Variants in ADAMTS2 observed in about 807,000 individuals in gnomAD.
ADAMTS2 encodes ADAM metallopeptidase with thrombospondin type 1 motif 2.
ADAMTS2 carries 50 observed loss-of-function variants against 123.0 expected under a neutral mutation model. The ratio of observed to expected loss-of-function variants is 0.41; its 90% CI spans 0.32 to 0.51. The LOEUF (loss-of-function observed/expected upper bound fraction) is 0.51, where lower values mean the gene tolerates loss of function less well. ADAMTS2 is among the 20% of genes least tolerant of loss of function. ADAMTS2 has a pLI of 0.35. For synonymous variants in ADAMTS2, 678 were observed against 695.4 expected (o/e 0.98, Z 0.39); for missense variants, 1,494 against 1,705.2 (o/e 0.88, Z 2.18).
In ADAMTS2 at chr5:179,188,228, A is replaced by C. The variant is rs1764219861; in HGVS notation, c.892-7073T>G. ...TGGCCCACCTGGCAAAACCATGTCC[A>C]GGAGCAAGCCAGGCCTGAAAAGTCT... On this transcript the variant is annotated intron_variant, in intron 4 of 21. Transcript: ENST00000251582. The surrounding 1 kb of genome is among the most constrained non-coding windows in gnomAD (Gnocchi z 5.1). 6.6e-6 allele frequency among the ~76,000 whole-genome samples: 1 copy of C among 152,192 alleles called. No individual in the cohort carries two copies. Among genetic ancestry groups the C allele is most frequent in the Admixed American group, 6.5e-5 (1 of 15,288 alleles).
At chr5:179,139,546 G>A (rs569946608) in intron 11 of ADAMTS2, among the ~76,000 whole-genome samples, 20 of 152,178 alleles carry the variant, frequency 1.3e-4, no homozygotes, top group African/African-American at 4.8e-4. Context: ...CTAGCATCGG[G>A]GGGGCTGAGA....
intron 10 of ADAMTS2, 94 bp downstream of exon 10, chr5:179,152,048 A>AC: frequency 8.6e-7 from 1 of 1,165,148 alleles, no homozygotes; most frequent in Non-Finnish European, 1.3e-6. Flanking sequence ...GAGGGCCCCC[A>AC]CCCCCACTTC....
chr5:179,171,939 CAA>C (rs1763824869), intron 5 of ADAMTS2, among the ~76,000 whole-genome samples: 1 of 152,132 alleles, frequency 6.6e-6, no homozygotes, highest in Non-Finnish European at 1.5e-5. Flanking sequence ...ACACCCCTCA[CAA>C]CCCAGCACTG....
At chr5:179,190,359 T>G (rs111249493) in intron 4 of ADAMTS2, among the ~76,000 whole-genome samples, 3 of 152,128 alleles carry the variant, frequency 2.0e-5, no homozygotes, top group Admixed American at 2.0e-4. Flanking sequence ...ATGGGGTTGT[T>G]AGAAGGAGCA....
chr5:179,255,249 G>A (rs1766020221), intron 3 of ADAMTS2, among the ~76,000 whole-genome samples: 1 of 152,210 alleles, frequency 6.6e-6, no homozygotes, highest in Non-Finnish European at 1.5e-5. Context: ...TGGATAGATG[G>A]ATGAATGGGT....
chr5:179,137,885 C>T lies in ADAMTS2; in HGVS notation c.1835G>A (p.Arg612His), dbSNP rs1763093799. ...GLAYDFQLCSRQDCPDSLADF... is the reference protein window; with the variant it reads ...GLAYDFQLCSHQDCPDSLADF... Reference sequence around the variant, plus strand: ...AGCCAGGGAGTCGGGGCAGTCCTGGCGGCTGCAGAGCTGGAAGTCGTAGGC... The same window carrying T: ...AGCCAGGGAGTCGGGGCAGTCCTGGTGGCTGCAGAGCTGGAAGTCGTAGGC... Residue 612 changes from arginine (R) to histidine (H), a missense_variant, in exon 12 of 22, where the codon CGC (arginine) becomes CAC (histidine). By Grantham distance (29) the Arg-to-His change is conservative. Coordinates refer to ENST00000251582, the MANE Select transcript of ADAMTS2 (RefSeq NM_014244.5). 4.5e-6 allele frequency: 7 copies of T among 1,556,624 alleles called. No individual in the cohort carries two copies. Among genetic ancestry groups the T allele is most frequent in the African/African-American group, 2.7e-5 (2 of 73,448 alleles).
Position 179,273,023 on chromosome 5 carries a change from T to C in ADAMTS2, c.576A>G (p.Glu192=). 6.2e-7 allele frequency: 1 copy of C among 1,613,170 alleles called. No individual in the cohort carries two copies. Among genetic ancestry groups the C allele is most frequent in the Non-Finnish European group, 8.5e-7 (1 of 1,179,968 alleles). ...IRMEEEEFFI[E]PLEKGLAAQE... is the part of the protein sequence containing the mutation. ...GCGCCGCCAGCCCCTTCTCCAAGGG[T>C]TCGATGAAGAACTCCTCCTCCTCCA... is the stretch of plus-strand genomic sequence containing the variant. The change falls in exon 3 of 22, where the codon GAA becomes GAG. Residue 192 remains glutamate (E), a synonymous_variant. Transcript: ENST00000251582.
chr5:179,112,537 C>T lies in ADAMTS2; in HGVS notation c.*1330G>A, dbSNP rs1762586985. ...AGGAGCAAAAGACAATGTAGGCTCT[C>T]CCCATCTCCCACCCTAAGCCCCCAT... On this transcript the variant is annotated 3_prime_UTR_variant, in exon 22 of 22. Coordinates refer to ENST00000251582, the MANE Select transcript of ADAMTS2 (RefSeq NM_014244.5). 6.6e-6 allele frequency: 1 copy of T among 152,218 alleles called. No homozygotes were observed. Among genetic ancestry groups the T allele is most frequent in the Non-Finnish European group, 1.5e-5 (1 of 68,050 alleles). The allele number at this position is 152,218 out of a possible 1,614,324, so 9.4% of individuals were successfully genotyped here.
chr5:179,173,724 C>T (rs1443913944), intron 5 of ADAMTS2, among the ~76,000 whole-genome samples: 1 of 152,160 alleles, frequency 6.6e-6, no homozygotes, highest in Non-Finnish European at 1.5e-5. Flanking sequence ...ACATCAAGAA[C>T]ATTTTAAAGG....
chr5:179,253,879 G>A (rs1385064637), intron 3 of ADAMTS2, among the ~76,000 whole-genome samples: 1 of 152,172 alleles, frequency 6.6e-6, no homozygotes, highest in Non-Finnish European at 1.5e-5. Flanking sequence ...CCCTGCACCA[G>A]CTGCTCATGG....
At chr5:179,141,471 TC>T (rs1443839612) in intron 10 of ADAMTS2, among the ~76,000 whole-genome samples, 1 of 152,028 alleles carries the variant, frequency 6.6e-6, no homozygotes. Flanking sequence ...GTGAACCCTC[TC>T]CCCAGTAACT....
At chr5:179,213,405 A>T (rs1254346033) in intron 3 of ADAMTS2, among the ~76,000 whole-genome samples, 3 of 152,056 alleles carry the variant, frequency 2.0e-5, no homozygotes, top group African/African-American at 7.2e-5. Context: ...ACCCTGGGGG[A>T]TGGAGACCAT....
At chr5:179,280,258 G>A (rs759876634) in intron 2 of ADAMTS2, among the ~76,000 whole-genome samples, 2 of 152,154 alleles carry the variant, frequency 1.3e-5, no homozygotes, top group East Asian at 1.9e-4. Flanking sequence ...CATGCCCAGC[G>A]AGGCTCTAAG....
At position 179,272,821 on chromosome 5, in the gene ADAMTS2, G is replaced by A. The variant is rs1766575985; in HGVS notation, c.688+90C>T. ...AGCCTCAGCAGCCAAGCTGGTCTGTGGAGAGCTGCCTGAGTCTCTGGGATG... is the reference window on the plus strand; with the variant it reads ...AGCCTCAGCAGCCAAGCTGGTCTGTAGAGAGCTGCCTGAGTCTCTGGGATG... On this transcript the variant is annotated intron_variant, in intron 3 of 21. Coordinates refer to ENST00000251582, the MANE Select transcript of ADAMTS2 (RefSeq NM_014244.5). The surrounding 1 kb of genome is among the most constrained non-coding windows in gnomAD (Gnocchi z 5.8). The A allele has an allele frequency of 6.6e-7, 1 of 1,506,656 alleles. No individual in the cohort carries two copies. Among genetic ancestry groups the A allele is most frequent in the African/African-American group, 1.4e-5 (1 of 72,366 alleles). The allele number at this position is 1,506,656 out of a possible 1,614,324, so 93.3% of individuals were successfully genotyped here.
At chr5:179,232,632 A>G (rs1425984377) in intron 3 of ADAMTS2, among the ~76,000 whole-genome samples, 1 of 152,222 alleles carries the variant, frequency 6.6e-6, no homozygotes, top group Non-Finnish European at 1.5e-5. Flanking sequence ...CTTCATCTGT[A>G]AAGTCGGGTG....
intron 2 of ADAMTS2, among the ~76,000 whole-genome samples, chr5:179,296,196 C>T (rs769397218): frequency 2.0e-5 from 3 of 152,116 alleles, no homozygotes; most frequent in African/African-American, 2.4e-5. Flanking sequence ...CCTCAGCAGA[C>T]GCTTTGGGTG....
chr5:179,251,326 G>A (rs1765919097), intron 3 of ADAMTS2, among the ~76,000 whole-genome samples: 1 of 152,166 alleles, frequency 6.6e-6, no homozygotes, highest in East Asian at 1.9e-4. Context: ...TCGTATTTCT[G>A]CCTGATGGTG....
chr5:179,333,014 C>T (rs1278669799), intron 2 of ADAMTS2, among the ~76,000 whole-genome samples: 1 of 152,186 alleles, frequency 6.6e-6, no homozygotes, highest in Non-Finnish European at 1.5e-5. Flanking sequence ...GGACCCCTCC[C>T]TACTGTGTGG....
chr5:179,249,576 C>G (rs1405485692), intron 3 of ADAMTS2, among the ~76,000 whole-genome samples: 1 of 151,982 alleles, frequency 6.6e-6, no homozygotes, highest in African/African-American at 2.4e-5. Context: ...ACATTACTAC[C>G]GACCTTATAG....
Sources: gnomAD v4.1 joint callset for allele counts (sites outside exome capture counted in the v4.1 genomes callset) on GRCh38, gnomAD v4.1.1 for gene constraint, Gnocchi (gnomAD v3.1) non-coding constraint, MANE v1.5 for transcripts, NCBI Gene and HGNC (gene_info 2026-07-23, HGNC 2026-07-21) for gene names.